Variants in ASCC3 observed in about 807,000 individuals in gnomAD.
ASCC3 encodes the protein ASC-1 complex subunit P200.
ASCC3 carries 158 observed loss-of-function variants against 256.3 expected under a neutral mutation model. The observed-to-expected ratio is 0.62, with a 90% CI of 0.54 to 0.70. The LOEUF (loss-of-function observed/expected upper bound fraction) is 0.70. Ranked by LOEUF, ASCC3 falls within the 30% of genes least tolerant of loss-of-function variation. The pLI, the probability that ASCC3 is intolerant of heterozygous loss-of-function variation, is 0.00. For synonymous variants in ASCC3, 948 were observed against 883.4 expected (o/e 1.07, Z -1.30); for missense variants, 2,259 against 2,626.0 (o/e 0.86, Z 3.05).
intron 30 of ASCC3, among the ~76,000 whole-genome samples, chr6:100,608,276 C>T (rs1773100529): frequency 2.0e-5 from 1 of 49,580 alleles, no homozygotes. Context: ...TATATATATA[C>T]TTTATATATA....
chr6:100,577,758 A>ACACACACT (rs568313614), intron 36 of ASCC3, among the ~76,000 whole-genome samples: 4 of 150,722 alleles, frequency 2.7e-5, no homozygotes, highest in African/African-American at 9.8e-5. Context: ...ACACACACAC[A>ACACACACT]CTCTCTCACA....
chr6:100,795,044 G>A (rs934727519), intron 8 of ASCC3, among the ~76,000 whole-genome samples: 1 of 152,054 alleles, frequency 6.6e-6, no homozygotes, highest in Non-Finnish European at 1.5e-5. Context: ...TGATAATGAG[G>A]ATATACAAGT....
intron 30 of ASCC3, 82 bp from the exon 31 acceptor site, chr6:100,607,170 A>C (rs1488175928): frequency 1.4e-6 from 2 of 1,441,376 alleles, no homozygotes; most frequent in Non-Finnish European, 1.9e-6. Context: ...AAAAACATTA[A>C]TTTTGTCTTT....
chr6:100,545,055 A>G (rs1410529464), intron 36 of ASCC3, among the ~76,000 whole-genome samples: 1 of 152,120 alleles, frequency 6.6e-6, no homozygotes, highest in East Asian at 1.9e-4. Flanking sequence ...GAAAAACCAC[A>G]TTATCATCTC....
At chr6:100,752,550 G>A (rs987454696) in intron 10 of ASCC3, among the ~76,000 whole-genome samples, 6 of 152,070 alleles carry the variant, frequency 3.9e-5, no homozygotes, top group Admixed American at 3.9e-4. Context: ...CACTATTTAA[G>A]AAGTTACTTT....
rs891212993 is a variant in ASCC3, at chr6:100,586,068, C to T, written c.5550+3566G>A. On this transcript the variant is annotated intron_variant, in intron 36 of 41. Coordinates refer to ENST00000369162, the MANE Select transcript of ASCC3 (RefSeq NM_006828.4). Reference sequence around the variant, plus strand: ...CTTGAGGAGGCAGTCTGCCCGTTCTCAGATCTCCAGCTGCGTGCTGGGAGA... The same window carrying T: ...CTTGAGGAGGCAGTCTGCCCGTTCTTAGATCTCCAGCTGCGTGCTGGGAGA... 5.9e-5 allele frequency among the ~76,000 whole-genome samples: 9 copies of T among 152,302 alleles called. No individual in the cohort carries two copies. In the East Asian group the frequency reaches 1.5e-3, roughly 26 times the overall value.
chr6:100,530,138 C>G, intron 37 of ASCC3: 1 of 558,570 alleles, frequency 1.8e-6, no homozygotes, highest in Non-Finnish European at 3.2e-6. Flanking sequence ...TGTACACTGT[C>G]ACATTTCTCT....
intron 24 of ASCC3, among the ~76,000 whole-genome samples, chr6:100,640,842 T>A (rs1408546451): frequency 2.0e-5 from 3 of 152,284 alleles, no homozygotes; most frequent in East Asian, 3.9e-4. Flanking sequence ...GGTACACATT[T>A]GACAAAAATG....
In ASCC3 at chr6:100,679,484, A is replaced by C; in HGVS notation, c.2286+134T>G. 6.3e-6 allele frequency: 8 copies of C among 1,261,876 alleles called. No homozygotes were observed. In the South Asian group the frequency reaches 1.0e-4, roughly 16 times the overall value. 78.2% of individuals were successfully genotyped at this position (1,261,876 alleles called of 1,614,324 possible). On this transcript the variant is annotated intron_variant, in intron 14 of 41. Coordinates refer to ENST00000369162, the MANE Select transcript of ASCC3 (RefSeq NM_006828.4). ...AATAAAAGATCATTAAGTCAAGAAA[A>C]AAGTCAAGATTATAACATCATAAAT...
At chr6:100,689,297 A>C (rs933441127) in intron 13 of ASCC3, among the ~76,000 whole-genome samples, 1 of 152,240 alleles carries the variant, frequency 6.6e-6, no homozygotes, top group African/African-American at 2.4e-5. Context: ...TACTAGGTAC[A>C]ATACACGTTA....
At chr6:100,751,408 T>C (rs999773322) in intron 10 of ASCC3, among the ~76,000 whole-genome samples, 2 of 151,948 alleles carry the variant, frequency 1.3e-5, no homozygotes, top group Non-Finnish European at 2.9e-5. Flanking sequence ...TTCTGACAAA[T>C]ACGGTCATAA....
chr6:100,799,405 A>C, intron 7 of ASCC3, 26 bp downstream of exon 7: 1 of 1,608,688 alleles, frequency 6.2e-7, no homozygotes, highest in Non-Finnish European at 8.5e-7. Flanking sequence ...ATATTATTGA[A>C]CAGTAGTTAT....
rs372577597 is a variant in ASCC3 at position 100,627,995 on chromosome 6, A to G, written c.4376-8T>C. On this transcript the variant is annotated splice_region_variant and splice_polypyrimidine_tract_variant and intron_variant, in intron 27 of 41. Coordinates refer to ENST00000369162, the MANE Select transcript of ASCC3 (RefSeq NM_006828.4). ...CAGGGCCTCTTTCCTCCCCTAGAAA[A>G]TAGGGAAAAATCAATGTTAATCATT... 9 of 1,612,884 alleles carry G rather than the reference A, an allele frequency of 5.6e-6. No individual in the cohort carries two copies. Among genetic ancestry groups the G allele is most frequent in the Non-Finnish European group, 7.6e-6 (9 of 1,179,496 alleles).
intron 37 of ASCC3, among the ~76,000 whole-genome samples, chr6:100,535,472 T>A (rs1044787927): frequency 4.1e-5 from 6 of 145,238 alleles, no homozygotes; most frequent in African/African-American, 1.5e-4. Flanking sequence ...TCGTGTTTTT[T>A]TTTTTTTTTT....
intron 13 of ASCC3, among the ~76,000 whole-genome samples, chr6:100,696,761 T>C (rs1345806644): frequency 6.6e-6 from 1 of 152,056 alleles, no homozygotes; most frequent in African/African-American, 2.4e-5. Flanking sequence ...AATAAACATG[T>C]ATACAAGTTA....
intron 37 of ASCC3, chr6:100,530,233 C>A: frequency 1.2e-6 from 1 of 837,860 alleles, no homozygotes; most frequent in Non-Finnish European, 2.0e-6. Context: ...TGCTCATTCG[C>A]TCAGAGCCAC....
chr6:100,680,810 A>ACTC (rs34206613), intron 13 of ASCC3, among the ~76,000 whole-genome samples: 46,719 of 151,164 alleles, frequency 0.31, 8,852 homozygotes, highest in Middle Eastern at 0.5. Flanking sequence ...TCTCCCCTAT[A>ACTC]CTCCTCTGTT....
chr6:100,829,334 G>A (rs1256442392), intron 4 of ASCC3, among the ~76,000 whole-genome samples: 1 of 152,014 alleles, frequency 6.6e-6, no homozygotes, highest in Non-Finnish European at 1.5e-5. Context: ...GAGTGGCGGG[G>A]AGGCTCAGGC....
At chr6:100,620,367 A>C (rs9390513) in intron 30 of ASCC3, among the ~76,000 whole-genome samples, 9,943 of 152,208 alleles carry the variant, frequency 0.065, 735 homozygotes, top group East Asian at 0.3. Context: ...GGGTTTCCTG[A>C]TGCAGTATAA....
Sources: allele counts gnomAD v4.1 joint callset (sites outside exome capture counted in the v4.1 genomes callset), GRCh38; gene constraint gnomAD v4.1.1; transcripts MANE v1.5; gene names NCBI Gene and HGNC (gene_info 2026-07-23, HGNC 2026-07-21).